CYP3A4: variants seen among roughly 807,000 people sequenced by gnomAD.
CYP3A4 encodes cytochrome P450 3A4.
CYP3A4 carries 41 observed loss-of-function variants against 54.9 expected under a neutral mutation model. That is an observed-to-expected ratio of 0.75 (90% CI 0.58 to 0.97). The LOEUF (loss-of-function observed/expected upper bound fraction) is 0.97. CYP3A4 is among the 50% of genes least tolerant of loss of function. The pLI is 0.00. For synonymous variants in CYP3A4, 179 were observed against 205.2 expected (o/e 0.87, Z 1.09); for missense variants, 510 against 597.3 (o/e 0.85, Z 1.52).
chr7:99,759,586 A>AT (rs1180613923), intron 12 of CYP3A4, among the ~76,000 whole-genome samples: 22 of 152,212 alleles, frequency 1.4e-4, no homozygotes, highest in Non-Finnish European at 5.9e-5. Context: ...CCACTGGGAT[A>AT]TTTTAAAAAG....
At chr7:99,762,582 G>GTA (rs1029662830) in intron 10 of CYP3A4, among the ~76,000 whole-genome samples, 1 of 151,740 alleles carries the variant, frequency 6.6e-6, no homozygotes, top group South Asian at 2.1e-4. Flanking sequence ...ATATATATGT[G>GTA]TATATATATG....
At chr7:99,762,541 T>C (rs1815366754) in intron 10 of CYP3A4, among the ~76,000 whole-genome samples, 1 of 151,980 alleles carries the variant, frequency 6.6e-6, no homozygotes, top group African/African-American at 2.4e-5. Context: ...TATATGTCTA[T>C]ATATATATAC....
Position 99,762,171 on chromosome 7 carries a change from T to G in CYP3A4, c.1123A>C (p.Arg375=). The part of the protein sequence containing the change: ...RLFPIAMRLE[R]VCKKDVEING... ...ATCTCAACATCTTTTTTGCAGACCC[T>G]CTCAAGTCTCATAGCAATTGGGAAT... The change falls in exon 11 of 13, where the codon AGG becomes CGG. Residue 375 remains arginine, a synonymous_variant. Transcript: ENST00000651514. 1 of 1,614,054 alleles carries G rather than the reference T, an allele frequency of 6.2e-7. No homozygotes were observed. Among genetic ancestry groups the G allele is most frequent in the South Asian group, 1.1e-5 (1 of 91,062 alleles).
chr7:99,768,745 G>A (rs1165379199), intron 6 of CYP3A4, among the ~76,000 whole-genome samples: 3 of 152,088 alleles, frequency 2.0e-5, no homozygotes, highest in Admixed American at 2.0e-4. Context: ...TGAGATCAAG[G>A]AGCCCATCAT....
chr7:99,757,908 C>T lies in CYP3A4; in HGVS notation c.*225G>A, dbSNP rs1446771552. 13 of 472,840 alleles carry T rather than the reference C, an allele frequency of 2.7e-5. No individual in the cohort carries two copies. The highest frequency in any genetic ancestry group is 5.0e-5 in the Non-Finnish European group (13 of 261,130). 29.3% of individuals were successfully genotyped at this position (472,840 alleles called of 1,614,324 possible). A position where few individuals can be genotyped will look rare whatever the true frequency, so the allele number is the denominator to read the frequency against. ...CCCGTGAGAAGCAGAGGAGCCAAAT[C>T]TACCTCCTCACACTGATTTGGTCAC... On this transcript the variant is annotated 3_prime_UTR_variant, in exon 13 of 13. Transcript: ENST00000651514.
intron 12 of CYP3A4, among the ~76,000 whole-genome samples, chr7:99,760,311 G>T (rs1033685347): frequency 1.3e-5 from 2 of 152,142 alleles, no homozygotes; most frequent in Non-Finnish European, 2.9e-5. Flanking sequence ...AAGCAATGGG[G>T]AAGCTTTTAA....
chr7:99,759,983 C>G (rs1815276066), intron 12 of CYP3A4, among the ~76,000 whole-genome samples: 1 of 152,114 alleles, frequency 6.6e-6, no homozygotes, highest in Non-Finnish European at 1.5e-5. Context: ...CTACAGGTGC[C>G]TGCCACCTCT....
At chr7:99,771,437 C>T (rs1351751815) in intron 4 of CYP3A4, among the ~76,000 whole-genome samples, 1 of 152,112 alleles carries the variant, frequency 6.6e-6, no homozygotes, top group African/African-American at 2.4e-5. Flanking sequence ...ATGCTGAAAA[C>T]TACAAGATGT....
rs774686251 is a variant in CYP3A4, at chr7:99,764,005, A to G, written c.876T>C (p.Asp292=). The G allele has an allele frequency of 1.2e-6, 2 of 1,613,986 alleles. No homozygotes were observed. Among genetic ancestry groups the G allele is most frequent in the Admixed American group, 1.7e-5 (1 of 60,020 alleles). Residue 292 remains aspartate (D), a synonymous_variant, in exon 10 of 13, where the codon GAT becomes GAC. Transcript: ENST00000651514. ...TAATTGATTGGGCCACGAGCTCCAG[A>G]TCGGACAGAGCTGAAAGGAGAGGAA... ...KETESHKALS[D]LELVAQSIIF...
At chr7:99,763,697 CTA>C (rs1169979068) in intron 10 of CYP3A4, among the ~76,000 whole-genome samples, 156 bp downstream of exon 10, 3 of 152,168 alleles carry the variant, frequency 2.0e-5, no homozygotes, top group African/African-American at 4.8e-5. Flanking sequence ...CAACCATTTG[CTA>C]TGTTTCTTTC....
At chr7:99,781,041 G>T (rs1437515962) in intron 1 of CYP3A4, among the ~76,000 whole-genome samples, 1 of 152,144 alleles carries the variant, frequency 6.6e-6, no homozygotes, top group Non-Finnish European at 1.5e-5. Context: ...GAGATGATTG[G>T]ATCCTAGGGG....
chr7:99,776,434 A>T (rs1815773281), intron 3 of CYP3A4, among the ~76,000 whole-genome samples: 1 of 152,250 alleles, frequency 6.6e-6, no homozygotes. Context: ...AAGACTTGGA[A>T]CCAACCCAAA....
intron 1 of CYP3A4, among the ~76,000 whole-genome samples, chr7:99,782,587 T>C (rs1032411643): frequency 3.9e-5 from 6 of 152,028 alleles, no homozygotes; most frequent in African/African-American, 1.2e-4. Context: ...TTCAAGCAGA[T>C]GAGATGCAAA....
At chr7:99,774,100 A>T (rs569046261) in intron 3 of CYP3A4, among the ~76,000 whole-genome samples, 76 of 152,202 alleles carry the variant, frequency 5.0e-4, no homozygotes, top group Non-Finnish European at 9.9e-4. Context: ...TAGAAGAAAT[A>T]GATAAATTCC....
intron 3 of CYP3A4, among the ~76,000 whole-genome samples, chr7:99,775,670 A>G (rs1233474715): frequency 6.6e-6 from 1 of 152,196 alleles, no homozygotes; most frequent in Non-Finnish European, 1.5e-5. Context: ...CCCCTTCCTT[A>G]CACCTTATAC....
chr7:99,767,011 G>A (rs757977461), intron 8 of CYP3A4, 120 bp downstream of exon 8: 1 of 880,442 alleles, frequency 1.1e-6, no homozygotes, highest in Non-Finnish European at 1.7e-6. Flanking sequence ...CTAAACATGA[G>A]CAGTCTTCAT....
chr7:99,769,575 G>A, intron 6 of CYP3A4, 193 bp downstream of exon 6: 1 of 610,416 alleles, frequency 1.6e-6, no homozygotes, highest in Non-Finnish European at 2.9e-6. Flanking sequence ...CAGGGGAGAA[G>A]ATCCTTTTCC....
chr7:99,773,508 A>G (rs1563043782), intron 3 of CYP3A4, among the ~76,000 whole-genome samples: 1 of 152,250 alleles, frequency 6.6e-6, no homozygotes. Flanking sequence ...CTCAGACCAC[A>G]GTGAAATCAA....
intron 12 of CYP3A4, among the ~76,000 whole-genome samples, chr7:99,760,096 A>G (rs918924891): frequency 6.6e-6 from 1 of 152,008 alleles, no homozygotes; most frequent in African/African-American, 2.4e-5. Flanking sequence ...CGGCCTCCCA[A>G]AGTGCTGGGA....
Sources: allele counts gnomAD v4.1 joint callset (sites outside exome capture counted in the v4.1 genomes callset), GRCh38; gene constraint gnomAD v4.1.1; transcripts MANE v1.5; gene names NCBI Gene and HGNC (gene_info 2026-07-23, HGNC 2026-07-21).